The following IGF1 variants were observed in gnomAD, a reference collection of about 807,000 sequenced individuals.
IGF1 encodes the protein insulin like growth factor 1, also known as insulin-like growth factor 1.
IGF1 carries 4 observed loss-of-function variants against 13.8 expected under a neutral mutation model. The observed-to-expected ratio is 0.29, with a 90% CI of 0.14 to 0.66. The LOEUF (loss-of-function observed/expected upper bound fraction) is 0.66, where lower values mean the gene tolerates loss of function less well. IGF1 is among the 30% of genes least tolerant of loss of function. The probability of loss-of-function intolerance (pLI) is 0.78; values close to 1 mark genes in which losing one functional copy is unlikely to be tolerated. For missense variants in IGF1, 124 were observed against 188.5 expected, an observed-to-expected ratio of 0.66 and a Z score of 2.00; for synonymous variants, 76 against 72.6, an observed-to-expected ratio of 1.05 and a Z score of -0.23.
chr12:102,477,462 G>A (rs1024358262), intron 1 of IGF1, among the ~76,000 whole-genome samples: 1 of 151,304 alleles, frequency 6.6e-6, no homozygotes, highest in African/African-American at 2.4e-5. Flanking sequence ...CAAGATCTCC[G>A]CATGGAAATC....
chr12:102,459,502 T>C (rs1199166603), intron 2 of IGF1, among the ~76,000 whole-genome samples: 1 of 151,872 alleles, frequency 6.6e-6, no homozygotes. Context: ...ACAGCTGTTA[T>C]GGATCTCGGT....
At chr12:102,469,441 G>C (rs1429244500) in intron 2 of IGF1, among the ~76,000 whole-genome samples, 1 of 152,206 alleles carries the variant, frequency 6.6e-6, no homozygotes, top group African/African-American at 2.4e-5. Context: ...GTGAGTTGCA[G>C]TGTTCTGTCT....
intron 2 of IGF1, among the ~76,000 whole-genome samples, chr12:102,466,947 T>C (rs1880379338): frequency 6.6e-6 from 1 of 152,084 alleles, no homozygotes; most frequent in Admixed American, 6.5e-5. Flanking sequence ...CATCACTTGG[T>C]CTCATAAAGA....
At chr12:102,444,632 C>T (rs1006045433) in intron 2 of IGF1, among the ~76,000 whole-genome samples, 3 of 152,056 alleles carry the variant, frequency 2.0e-5, no homozygotes, top group Non-Finnish European at 2.9e-5. Context: ...CATATCTCAT[C>T]TAGTCTTCTT....
At chr12:102,408,948 C>G (rs1874402839) in intron 3 of IGF1, among the ~76,000 whole-genome samples, 2 of 152,146 alleles carry the variant, frequency 1.3e-5, no homozygotes, top group Admixed American at 1.3e-4. Context: ...TAATAAAACC[C>G]CTGCTCATTT....
Position 102,407,888 on chromosome 12 carries a change from A to T in IGF1, c.403-5322T>A, listed in dbSNP as rs192151157. ...TTATAACCCCCTTTTTTTCCTCCCC[A>T]CTTATCTTTATGAGATTTTGCCTGA... On this transcript the variant is annotated intron_variant, in intron 3 of 3. Coordinates refer to ENST00000337514, the MANE Select transcript of IGF1 (RefSeq NM_000618.5). Among the ~76,000 whole-genome samples the T allele has an allele frequency of 6.2e-4, 95 of 152,120 alleles. No homozygotes were observed. In the Middle Eastern group the frequency reaches 0.017, roughly 27 times the overall value.
intron 2 of IGF1, among the ~76,000 whole-genome samples, chr12:102,422,468 G>A (rs767465644): frequency 6.6e-6 from 1 of 151,938 alleles, no homozygotes; most frequent in Non-Finnish European, 1.5e-5. Context: ...ATTTCTTCTG[G>A]CTCTACATCA....
intron 2 of IGF1, among the ~76,000 whole-genome samples, chr12:102,422,572 T>A (rs755657302): frequency 2.9e-4 from 44 of 152,334 alleles, no homozygotes; most frequent in Non-Finnish European, 4.7e-4. Flanking sequence ...TGCTACATAT[T>A]GTTTATTTTT....
intron 2 of IGF1, among the ~76,000 whole-genome samples, chr12:102,436,437 A>G (rs931467162): frequency 6.6e-6 from 1 of 152,208 alleles, no homozygotes; most frequent in Non-Finnish European, 1.5e-5. Context: ...CTCAATTGTA[A>G]AATTCAGCTC....
chr12:102,421,139 G>A (rs554399198), intron 2 of IGF1, among the ~76,000 whole-genome samples: 1 of 152,286 alleles, frequency 6.6e-6, no homozygotes, highest in South Asian at 2.1e-4. Context: ...GGACCCTGGT[G>A]GCTGCTTCCT....
At chr12:102,449,393 C>T (rs185120381) in intron 2 of IGF1, among the ~76,000 whole-genome samples, 86 of 93,130 alleles carry the variant, frequency 9.2e-4, no homozygotes, top group Middle Eastern at 5.8e-3. Flanking sequence ...TGGGGCCAGT[C>T]GGGGGGTGGG....
chr12:102,407,232 A>G (rs1874251140), intron 3 of IGF1, among the ~76,000 whole-genome samples: 1 of 152,068 alleles, frequency 6.6e-6, no homozygotes, highest in South Asian at 2.1e-4. Context: ...AATCCTTACA[A>G]TCACCACATG....
intron 1 of IGF1, chr12:102,478,799 C>T: frequency 2.3e-6 from 1 of 432,760 alleles, no homozygotes; most frequent in South Asian, 5.5e-5. Context: ...ACCCAAGCTC[C>T]AGTCCACTCC....
In IGF1 at chr12:102,402,907, T is replaced by G. The variant is rs1288475250; in HGVS notation, c.403-341A>C. On this transcript the variant is annotated intron_variant, in intron 3 of 3. Coordinates refer to ENST00000337514, the MANE Select transcript of IGF1 (RefSeq NM_000618.5). Reference sequence around the variant, plus strand: ...CCAGCCTTCTGGCCTCTAGATCCTTTCCTAGTAAGAAAAAAAATCAATCAC... The same window carrying G: ...CCAGCCTTCTGGCCTCTAGATCCTTGCCTAGTAAGAAAAAAAATCAATCAC... Among the ~76,000 whole-genome samples, 5 of 152,332 alleles carry G rather than the reference T, an allele frequency of 3.3e-5. No homozygotes were observed. The East Asian group carries it at 9.6e-4, about 29-fold the overall frequency.
chr12:102,476,120 A>G (rs549780208), intron 1 of IGF1, among the ~76,000 whole-genome samples: 1 of 152,312 alleles, frequency 6.6e-6, no homozygotes, highest in East Asian at 1.9e-4. Flanking sequence ...GAAAGATGCT[A>G]TTATTACAGT....
chr12:102,426,396 T>C (rs746807712), intron 2 of IGF1, among the ~76,000 whole-genome samples: 4 of 152,236 alleles, frequency 2.6e-5, no homozygotes, highest in Non-Finnish European at 5.9e-5. Context: ...ATTATTATGG[T>C]GTTGAATTGG....
intron 3 of IGF1, among the ~76,000 whole-genome samples, chr12:102,409,666 A>C (rs1027814386): frequency 6.6e-6 from 1 of 152,052 alleles, no homozygotes; most frequent in Admixed American, 6.6e-5. Flanking sequence ...TGGTCTATCT[A>C]TCTCGGGTTT....
chr12:102,413,144 A>G (rs911257843), intron 3 of IGF1, among the ~76,000 whole-genome samples: 1 of 152,218 alleles, frequency 6.6e-6, no homozygotes, highest in Non-Finnish European at 1.5e-5. Flanking sequence ...TACAAACTGG[A>G]TATTTCAAAA....
chr12:102,476,651 G>C (rs769804883), intron 1 of IGF1, among the ~76,000 whole-genome samples: 1 of 152,108 alleles, frequency 6.6e-6, no homozygotes, highest in Non-Finnish European at 1.5e-5. Context: ...GGCTCAAACT[G>C]GCAAAAATCT....
Sources: gnomAD v4.1 joint callset for allele counts (sites outside exome capture counted in the v4.1 genomes callset) on GRCh38, gnomAD v4.1.1 for gene constraint, MANE v1.5 for transcripts, NCBI Gene and HGNC (gene_info 2026-07-23, HGNC 2026-07-21) for gene names.